Variants in CYTIP observed in about 807,000 individuals in gnomAD.
CYTIP encodes the protein cytohesin-interacting protein.
In CYTIP, 26 loss-of-function variants were observed where a neutral mutation model predicts 43.8. The ratio of observed to expected loss-of-function variants is 0.59; its 90% confidence interval spans 0.44 to 0.82. The LOEUF (loss-of-function observed/expected upper bound fraction) is 0.82. Among genes scored for constraint, CYTIP ranks in the 40% least tolerant of loss-of-function variants. CYTIP has a pLI of 0.00. For synonymous variants in CYTIP, 162 were observed against 162.9 expected (o/e 0.99, Z 0.04); for missense variants, 426 against 443.1 (o/e 0.96, Z 0.35).
At chr2:157,438,292 A>C (rs1248364740) in intron 1 of CYTIP, among the ~76,000 whole-genome samples, 2 of 152,334 alleles carry the variant, frequency 1.3e-5, no homozygotes, top group African/African-American at 4.8e-5. Context: ...TAAACACCAC[A>C]TGTTCTCACT....
At chr2:157,432,565 G>A (rs1196187613) in intron 3 of CYTIP, among the ~76,000 whole-genome samples, 1 of 152,124 alleles carries the variant, frequency 6.6e-6, no homozygotes, top group Non-Finnish European at 1.5e-5. Context: ...GACCCCATAA[G>A]GCATTAGGAG....
intron 1 of CYTIP, among the ~76,000 whole-genome samples, chr2:157,440,197 C>T (rs1685883208): frequency 6.6e-6 from 1 of 152,150 alleles, no homozygotes; most frequent in African/African-American, 2.4e-5. Context: ...CTGCCTCACT[C>T]CCCAATTCTT....
At chr2:157,422,213 G>C (rs1441966546) in intron 6 of CYTIP, among the ~76,000 whole-genome samples, 1 of 152,206 alleles carries the variant, frequency 6.6e-6, no homozygotes, top group Non-Finnish European at 1.5e-5. Flanking sequence ...AGTGCCAAGT[G>C]GGGGCAAGCA....
In CYTIP at chr2:157,415,786, A is replaced by G. The variant is rs749890039; in HGVS notation, c.971T>C (p.Met324Thr). The G allele has an allele frequency of 3.1e-6, 5 of 1,614,098 alleles. No individual in the cohort carries two copies. In the Admixed American group the frequency reaches 5.0e-5, roughly 16 times the overall value. ...SPLWEGNLSS[M>T]FGTLPRKSRK... ...GCTCTTCCGGGGCAGGGTCCCAAAC[A>G]TGCTTGATAAGTTGCCCTCCCACAA... is the stretch of plus-strand genomic sequence containing the variant. The change falls in exon 8 of 8, where the codon ATG becomes ACG. Residue 324 changes from methionine to threonine, a missense_variant. Transcript: ENST00000264192.
chr2:157,434,841 TCTCTCTCTCACACA>T lies in CYTIP; in HGVS notation c.175-108_175-95del, dbSNP rs1166819142. The T allele has an allele frequency of 7.4e-5, 33 of 444,496 alleles. No homozygotes were observed. The African/African-American group carries it at 9.4e-4, about 13-fold the overall frequency. 27.5% of individuals were successfully genotyped at this position (444,496 alleles called of 1,614,324 possible). ...CTCTCTCTCTCTCTCTCTCTCTCTC[TCTCTCTCTCACACA>T]CACACACACACACACACACACACAC... is the stretch of plus-strand genomic sequence containing the variant. On this transcript the variant is annotated intron_variant, in intron 1 of 7. Transcript: ENST00000264192.
At chr2:157,419,243 C>T (rs981174711) in intron 6 of CYTIP, among the ~76,000 whole-genome samples, 1 of 152,170 alleles carries the variant, frequency 6.6e-6, no homozygotes, top group Admixed American at 6.5e-5. Flanking sequence ...CGTGATCTGC[C>T]TACCTCAGCT....
chr2:157,439,559 T>A (rs1325021213), intron 1 of CYTIP: 1 of 152,166 alleles, frequency 6.6e-6, no homozygotes, highest in Non-Finnish European at 1.5e-5. Flanking sequence ...AGCCCTCCAG[T>A]CAGAGCCTTT....
chr2:157,435,218 A>G lies in CYTIP; in HGVS notation c.175-471T>C, dbSNP rs1310816095. 2.0e-5 allele frequency among the ~76,000 whole-genome samples: 3 copies of G among 152,224 alleles called. 1 individual carries two copies. In the South Asian group the frequency reaches 6.2e-4, roughly 31 times the overall value. ...AAAAATAGCATACTTAGAATGGCAT[A>G]TGAAACCCAAATACTTTATAGTTTT... On this transcript the variant is annotated intron_variant, in intron 1 of 7. Transcript: ENST00000264192.
At chr2:157,416,980 T>TGTGTGTGA (rs1041462466) in intron 7 of CYTIP, among the ~76,000 whole-genome samples, 1 of 147,176 alleles carries the variant, frequency 6.8e-6, no homozygotes, top group African/African-American at 2.5e-5. Flanking sequence ...TGTGTGTGTG[T>TGTGTGTGA]GAGAGAGAGA....
intron 6 of CYTIP, among the ~76,000 whole-genome samples, chr2:157,422,600 G>A (rs1020552549): frequency 2.0e-4 from 30 of 151,268 alleles, no homozygotes; most frequent in Non-Finnish European, 3.2e-4. Flanking sequence ...AACCCGGGAG[G>A]TGGAGGTTGC....
At chr2:157,425,564 T>C (rs760256136) in intron 6 of CYTIP, among the ~76,000 whole-genome samples, 1 of 152,092 alleles carries the variant, frequency 6.6e-6, no homozygotes, top group Non-Finnish European at 1.5e-5. Context: ...AATTCATACA[T>C]TGGTAAGTAT....
chr2:157,418,713 T>C (rs1685477548), intron 6 of CYTIP, 124 bp from the exon 7 acceptor site: 2 of 732,000 alleles, frequency 2.7e-6, no homozygotes, highest in Non-Finnish European at 4.1e-6. Context: ...AGTACTACCA[T>C]TCCATCTCAT....
intron 6 of CYTIP, among the ~76,000 whole-genome samples, chr2:157,421,220 A>C (rs760590570): frequency 6.6e-6 from 1 of 152,242 alleles, no homozygotes; most frequent in Non-Finnish European, 1.5e-5. Context: ...CACAAGTGAG[A>C]TCTAACCCCA....
In CYTIP at chr2:157,415,756, T is replaced by G. The variant is rs555925235; in HGVS notation, c.1001A>C (p.Lys334Thr). 7 of 1,614,230 alleles carry G rather than the reference T, an allele frequency of 4.3e-6. No individual in the cohort carries two copies. The South Asian group carries it at 7.7e-5, about 18-fold the overall frequency. The change falls in exon 8 of 8, where the codon AAG (lysine) becomes ACG (threonine). Residue 334 changes from lysine (K) to threonine (T), a missense_variant. Physicochemically the swap from Lys to Thr is moderately conservative, Grantham distance 78 (BLOSUM62 -1). Coordinates refer to ENST00000264192, the MANE Select transcript of CYTIP (RefSeq NM_004288.5). ...CAAGAGTTGCTTTCGGACACTTCCC[T>G]TTCTGCTCTTCCGGGGCAGGGTCCC... is the stretch of plus-strand genomic sequence containing the variant. ...MFGTLPRKSR[K>T]GSVRKQLLKF...
At chr2:157,418,684 AT>A in intron 6 of CYTIP, 95 bp from the exon 7 acceptor site, 1 of 1,184,014 alleles carries the variant, frequency 8.4e-7, no homozygotes, top group Non-Finnish European at 1.2e-6. Context: ...TTGTCATTAA[AT>A]TTTTTACCTT....
intron 1 of CYTIP, among the ~76,000 whole-genome samples, chr2:157,443,004 T>A (rs982724382): frequency 2.0e-5 from 3 of 152,140 alleles, no homozygotes; most frequent in African/African-American, 7.2e-5. Flanking sequence ...AAAAAAAATT[T>A]TTACATGTTA....
At chr2:157,429,357 T>C (rs2105139589) in intron 5 of CYTIP, among the ~76,000 whole-genome samples, 1 of 152,332 alleles carries the variant, frequency 6.6e-6, no homozygotes, top group Admixed American at 6.5e-5. Flanking sequence ...TCAACTCAAA[T>C]ATCGCCTCCC....
chr2:157,440,234 T>C (rs1196749808), intron 1 of CYTIP, among the ~76,000 whole-genome samples: 1 of 152,134 alleles, frequency 6.6e-6, no homozygotes, highest in Non-Finnish European at 1.5e-5. Flanking sequence ...CACTTTTAAA[T>C]AAGGAGCATT....
intron 6 of CYTIP, among the ~76,000 whole-genome samples, chr2:157,426,995 G>A (rs777468738): frequency 6.6e-6 from 1 of 152,144 alleles, no homozygotes; most frequent in African/African-American, 2.4e-5. Context: ...GAAAAACCCA[G>A]GCCCTCCAAC....
Sources: gnomAD v4.1 joint callset for allele counts (sites outside exome capture counted in the v4.1 genomes callset) on GRCh38, gnomAD v4.1.1 for gene constraint, MANE v1.5 for transcripts, NCBI Gene and HGNC (gene_info 2026-07-23, HGNC 2026-07-21) for gene names.